The following EDA variants were observed in gnomAD, a reference collection of about 807,000 sequenced individuals.
EDA encodes ectodysplasin A, also known as ectodysplasin-A.
EDA carries 2 observed loss-of-function variants against 23.6 expected under a neutral mutation model. The ratio of observed to expected loss-of-function variants is 0.08; its 90% CI spans 0.03 to 0.27. The LOEUF (loss-of-function observed/expected upper bound fraction) is 0.27, where lower values mean the gene tolerates loss of function less well. Ranked by LOEUF, EDA falls within the 10% of genes least tolerant of loss-of-function variation. The probability of loss-of-function intolerance (pLI) is 1.00; values close to 1 mark genes in which losing one functional copy is unlikely to be tolerated. For missense variants in EDA, 229 were observed against 324.2 expected (o/e 0.71, Z 2.26); for synonymous variants, 131 against 132.0 (o/e 0.99, Z 0.05).
rs755762085 is a variant in EDA at position 69,838,224 on chromosome X, G to T, written c.397-118803G>T. Among the ~76,000 whole-genome samples the T allele has an allele frequency of 9.7e-5, 11 of 112,889 alleles. No homozygotes were observed. The South Asian group carries it at 2.5e-3, about 26-fold the overall frequency. ...AGTGGTTAGACACTCCTCAGATTAG[G>T]CATTAGGCTTAGTTGCCTTTGAAAG... is the stretch of plus-strand genomic sequence containing the variant. On this transcript the variant is annotated intron_variant, in intron 1 of 7. Coordinates refer to ENST00000374552, the MANE Select transcript of EDA (RefSeq NM_001399.5).
chrX:69,719,738 A>T (rs2147342108), intron 1 of EDA, among the ~76,000 whole-genome samples: 1 of 106,064 alleles, frequency 9.4e-6, no homozygotes, highest in Non-Finnish European at 2.0e-5. Context: ...ACACACACAC[A>T]CACACCACAT....
chrX:69,783,355 T>C (rs761889428), intron 1 of EDA, among the ~76,000 whole-genome samples: 174 of 110,318 alleles, frequency 1.6e-3, no homozygotes, highest in African/African-American at 5.4e-3. Flanking sequence ...GTTACATATG[T>C]ATACATGTGC....
chrX:69,651,046 G>A (rs371527445), intron 1 of EDA, among the ~76,000 whole-genome samples: 2 of 111,522 alleles, frequency 1.8e-5, no homozygotes, highest in East Asian at 2.8e-4. Context: ...ACCAAAGTTC[G>A]CAGTAGAGTT....
At position 70,030,395 on chromosome X, in the gene EDA, G is replaced by A. The variant is rs934934977; in HGVS notation, c.742-74G>A. The A allele has an allele frequency of 1.4e-4, 133 of 938,060 alleles. 1 individual carries two copies. The South Asian group carries it at 2.7e-3, about 19-fold the overall frequency. The allele number at this position is 938,060 out of a possible 1,213,427, so 77.3% of individuals were successfully genotyped here. On this transcript the variant is annotated intron_variant, in intron 5 of 7. Transcript: ENST00000374552. Reference sequence around the variant, plus strand: ...CAATAGAAGACTAGAAACCAGGATGGAAACATGGGACTGGTGGCTGAGCAA... The same window carrying A: ...CAATAGAAGACTAGAAACCAGGATGAAAACATGGGACTGGTGGCTGAGCAA...
intron 2 of EDA, among the ~76,000 whole-genome samples, chrX:70,017,956 T>C (rs2019975394): frequency 8.9e-6 from 1 of 111,768 alleles, no homozygotes; most frequent in African/African-American, 3.3e-5. Context: ...AAAACCCCCA[T>C]AGTCTCTGCC....
intron 1 of EDA, among the ~76,000 whole-genome samples, chrX:69,690,617 G>A (rs1466263716): frequency 9.0e-6 from 1 of 111,044 alleles, no homozygotes; most frequent in Non-Finnish European, 1.9e-5. Context: ...TCTTTTTCTG[G>A]TTTTGGTAAC....
At chrX:69,796,167 G>A (rs1298298896) in intron 1 of EDA, among the ~76,000 whole-genome samples, 1 of 111,712 alleles carries the variant, frequency 9.0e-6, no homozygotes, top group African/African-American at 3.3e-5. Flanking sequence ...CACTGACATC[G>A]CCTAAGCCAT....
At chrX:69,728,377 A>C (rs1319298266) in intron 1 of EDA, among the ~76,000 whole-genome samples, 2 of 112,277 alleles carry the variant, frequency 1.8e-5, no homozygotes, top group African/African-American at 6.5e-5. Flanking sequence ...TGCCACCTAG[A>C]AGGTGACATT....
At chrX:69,710,348 T>G (rs5936737) in intron 1 of EDA, among the ~76,000 whole-genome samples, 22,281 of 110,108 alleles carry the variant, frequency 0.2, 1,751 homozygotes, top group Non-Finnish European at 0.24. Flanking sequence ...TCTGTTCCAT[T>G]GGTCTATATC....
intron 1 of EDA, among the ~76,000 whole-genome samples, chrX:69,623,103 T>C (rs748039892): frequency 3.6e-5 from 4 of 112,410 alleles, no homozygotes; most frequent in Non-Finnish European, 7.5e-5. Context: ...TATTATTACC[T>C]GGTAAAGCAA....
intron 1 of EDA, among the ~76,000 whole-genome samples, chrX:69,683,384 A>G (rs992813943): frequency 1.8e-5 from 2 of 111,560 alleles, no homozygotes; most frequent in Admixed American, 9.6e-5. Context: ...CCTTAGCCCA[A>G]GATGACTACT....
At chrX:69,803,986 A>T (rs928879515) in intron 1 of EDA, among the ~76,000 whole-genome samples, 4 of 110,660 alleles carry the variant, frequency 3.6e-5, no homozygotes, top group African/African-American at 6.6e-5. Flanking sequence ...AAATGACAGG[A>T]TTTTCATTCT....
At chrX:69,794,188 C>T (rs1281046520) in intron 1 of EDA, among the ~76,000 whole-genome samples, 1 of 109,560 alleles carries the variant, frequency 9.1e-6, no homozygotes. Context: ...AAGGACCATA[C>T]ACAAGCACAG....
chrX:69,885,654 A>G (rs2017816131), intron 1 of EDA, among the ~76,000 whole-genome samples: 1 of 111,933 alleles, frequency 8.9e-6, no homozygotes, highest in Admixed American at 9.5e-5. Flanking sequence ...GAGCCTTGGA[A>G]TTCAGGTACA....
At chrX:70,015,176 C>A (rs1452790714) in intron 2 of EDA, among the ~76,000 whole-genome samples, 1 of 111,950 alleles carries the variant, frequency 8.9e-6, no homozygotes, top group East Asian at 2.8e-4. Context: ...AGAGAAGGGG[C>A]AGGCTACCTA....
rs1007597192 is a variant in EDA, at chrX:70,035,986, G to C, written c.*377G>C. The C allele has an allele frequency of 9.2e-6, 2 of 217,990 alleles. No homozygotes were observed. Among genetic ancestry groups the C allele is most frequent in the South Asian group, 2.3e-4 (2 of 8,695 alleles). 18.0% of individuals were successfully genotyped at this position (217,990 alleles called of 1,213,427 possible). On this transcript the variant is annotated 3_prime_UTR_variant, in exon 8 of 8. Transcript: ENST00000374552. ...AGCAAAGGTGCACTCCAGACTCTGG[G>C]GGTGGACATCTGACCCCAAGGGGGC...
At chrX:70,032,892 A>G (rs2020219200) in intron 6 of EDA, among the ~76,000 whole-genome samples, 1 of 112,526 alleles carries the variant, frequency 8.9e-6, no homozygotes, top group Admixed American at 9.3e-5. Context: ...GAGGCTTTCC[A>G]GAAAGCTGTG....
intron 1 of EDA, among the ~76,000 whole-genome samples, chrX:69,679,916 G>C (rs1934267583): frequency 1.9e-5 from 2 of 105,203 alleles, no homozygotes. Context: ...TGATGTTAGG[G>C]TGTCAATTTT....
intron 1 of EDA, among the ~76,000 whole-genome samples, chrX:69,756,097 G>A (rs929059021): frequency 1.4e-4 from 16 of 112,210 alleles, no homozygotes; most frequent in Middle Eastern, 4.6e-3. Context: ...TACCTCAGTT[G>A]GAAATGCAGA....
Sources: allele counts gnomAD v4.1 joint callset (sites outside exome capture counted in the v4.1 genomes callset), GRCh38; gene constraint gnomAD v4.1.1; transcripts MANE v1.5; gene names NCBI Gene and HGNC (gene_info 2026-07-23, HGNC 2026-07-21).